NOS1: variants seen among roughly 807,000 people sequenced by gnomAD.
NOS1 encodes nitric oxide synthase 1, also known as NOS type I.
NOS1 carries 51 observed loss-of-function variants against 164.5 expected under a neutral mutation model. The ratio of observed to expected loss-of-function variants is 0.31; its 90% CI spans 0.25 to 0.39. The LOEUF is 0.39. Ranked by LOEUF, NOS1 falls within the 10% of genes least tolerant of loss-of-function variation. The probability of loss-of-function intolerance (pLI) is 1.00; values close to 1 mark genes in which losing one functional copy is unlikely to be tolerated. For missense variants in NOS1, 1,362 were observed against 1,885.6 expected, an observed-to-expected ratio of 0.72 and a Z score of 5.14; for synonymous variants, 719 against 745.8, an observed-to-expected ratio of 0.96 and a Z score of 0.59.
chr12:117,360,146 G>T (rs1450893696), intron 1 of NOS1, among the ~76,000 whole-genome samples: 4 of 151,654 alleles, frequency 2.6e-5, no homozygotes, highest in African/African-American at 9.7e-5. Context: ...TCACTGGAAA[G>T]GTTCCTGCCC....
intron 2 of NOS1, among the ~76,000 whole-genome samples, chr12:117,329,335 C>T (rs998649313): frequency 5.9e-5 from 9 of 152,084 alleles, no homozygotes; most frequent in Admixed American, 2.6e-4. Context: ...CCCAGGCCCC[C>T]AGATTGTGGG....
chr12:117,337,730 A>G (rs1246922406), intron 1 of NOS1, among the ~76,000 whole-genome samples: 1 of 152,128 alleles, frequency 6.6e-6, no homozygotes, highest in African/African-American at 2.4e-5. Flanking sequence ...AACCATATGA[A>G]TAGAGAGGTC....
chr12:117,230,199 C>A (rs1249768716), intron 22 of NOS1, among the ~76,000 whole-genome samples: 4 of 152,230 alleles, frequency 2.6e-5, no homozygotes, highest in Non-Finnish European at 5.9e-5. Flanking sequence ...CAGGCATGAG[C>A]CACTGTGCCC....
intron 2 of NOS1, among the ~76,000 whole-genome samples, chr12:117,314,633 G>A (rs1224741604): frequency 6.6e-6 from 1 of 152,146 alleles, no homozygotes; most frequent in Non-Finnish European, 1.5e-5. Flanking sequence ...TTGAAACAGA[G>A]TCTTGCTTTA....
chr12:117,280,930 A>C, intron 7 of NOS1, 64 bp from the exon 8 acceptor site: 1 of 1,559,784 alleles, frequency 6.4e-7, no homozygotes, highest in Non-Finnish European at 8.7e-7. Flanking sequence ...AACATACTAA[A>C]CATGGCGCCA....
At position 117,247,397 on chromosome 12, in the gene NOS1, A is replaced by T. The variant is rs749738314; in HGVS notation, c.2774T>A (p.Leu925His). The T allele has an allele frequency of 6.2e-7, 1 of 1,610,968 alleles. No homozygotes were observed. Among genetic ancestry groups the T allele is most frequent in the Non-Finnish European group, 8.5e-7 (1 of 1,178,770 alleles). The change falls in exon 18 of 29, where the codon CTC becomes CAC. Residue 925 changes from leucine to histidine, a missense_variant. By Grantham distance (99) the Leu-to-His change is moderately conservative. This residue lies in a region of NOS1 where 737 missense variants were observed against 1,030.3 expected (regional missense o/e 0.72). Coordinates refer to ENST00000317775, the MANE Select transcript of NOS1 (RefSeq NM_000620.5). Reference sequence around the variant, plus strand: ...CCTGAAAGCCTCTTCCTGCCCACAGAGCTCATCCCCTTCCCTCATCTTCAG... The same window carrying T: ...CCTGAAAGCCTCTTCCTGCCCACAGTGCTCATCCCCTTCCCTCATCTTCAG... ...RILKMREGDE[L>H]CGQEEAFRTW...
intron 1 of NOS1, among the ~76,000 whole-genome samples, chr12:117,357,102 G>A (rs1215163210): frequency 1.3e-5 from 2 of 152,048 alleles, no homozygotes; most frequent in African/African-American, 4.8e-5. Context: ...GCAGGCAGAT[G>A]GCTTGAGCCC....
intron 3 of NOS1, chr12:117,302,192 G>T (rs1419160994): frequency 7.2e-6 from 3 of 418,762 alleles, no homozygotes; most frequent in Non-Finnish European, 1.4e-5. Context: ...AGGTCCTGTT[G>T]TTATGGTTGA....
At position 117,220,203 on chromosome 12, in the gene NOS1, C is replaced by T. The variant is rs1370120249; in HGVS notation, c.4042G>A (p.Gly1348Arg). 1.2e-6 allele frequency: 2 copies of T among 1,613,782 alleles called. No individual in the cohort carries two copies. Among genetic ancestry groups the T allele is most frequent in the South Asian group, 2.2e-5 (2 of 91,084 alleles). ...TCCCCACAGACGTATATGTGGCCCC[C>T]TTGCTCCTTCAGGGCTCGGTACACA... ...ESVYRALKEQ[G>R]GHIYVCGDVT... Residue 1348 changes from glycine to arginine, a missense_variant, in exon 27 of 29, where the codon GGG (glycine) becomes AGG (arginine). Coordinates refer to ENST00000317775, the MANE Select transcript of NOS1 (RefSeq NM_000620.5).
chr12:117,345,720 C>T (rs1421750933), intron 1 of NOS1, among the ~76,000 whole-genome samples: 6 of 152,222 alleles, frequency 3.9e-5, no homozygotes, highest in African/African-American at 1.2e-4. Context: ...TAGGGCTGGG[C>T]TCAGTGGCTC....
rs570347653 is a variant in NOS1, at chr12:117,223,894, T to C, written c.3827-1031A>G. On this transcript the variant is annotated intron_variant, in intron 25 of 28. Coordinates refer to ENST00000317775, the MANE Select transcript of NOS1 (RefSeq NM_000620.5). ...GTCTCGAACTCCTGACCTCAAGTGATCCACCTGCCTCAGCCTTCCAAAGTG... is the reference window on the plus strand; with the variant it reads ...GTCTCGAACTCCTGACCTCAAGTGACCCACCTGCCTCAGCCTTCCAAAGTG... Among the ~76,000 whole-genome samples the C allele has an allele frequency of 5.3e-5, 8 of 152,300 alleles. No homozygotes were observed. The East Asian group carries it at 1.2e-3, about 22-fold the overall frequency.
chr12:117,223,006 C>T (rs1422370285), intron 25 of NOS1, 143 bp from the exon 26 acceptor site: 11 of 876,676 alleles, frequency 1.3e-5, no homozygotes, highest in East Asian at 7.6e-5. Flanking sequence ...CAGATGTATG[C>T]GTGCACACAC....
intron 1 of NOS1, among the ~76,000 whole-genome samples, chr12:117,332,201 C>T (rs1033838628): frequency 2.6e-5 from 4 of 152,132 alleles, no homozygotes; most frequent in Non-Finnish European, 5.9e-5. Flanking sequence ...CATTCGTTGA[C>T]TGAAGAAGGA....
chr12:117,277,815 G>T, intron 9 of NOS1, 144 bp downstream of exon 9: 1 of 952,668 alleles, frequency 1.0e-6, no homozygotes, highest in Non-Finnish European at 1.5e-6. Flanking sequence ...GCCCAAGCCC[G>T]CAGTGAGGAC....
At position 117,299,648 on chromosome 12, in the gene NOS1, AAG is replaced by A. The variant is rs1189896650; in HGVS notation, c.853-9224_853-9223del. ...AGACTTTGTCTCCAAAAAAAAAAAA[AAG>A]AAAAAAAGAAAGTTGACATTGCTTA... On this transcript the variant is annotated intron_variant, in intron 3 of 28. Transcript: ENST00000317775. Among the ~76,000 whole-genome samples the A allele has an allele frequency of 1.2e-4, 17 of 143,766 alleles. 2 individuals carry two copies. In the East Asian group the frequency reaches 2.4e-3, roughly 20 times the overall value. 94.3% of individuals were successfully genotyped at this position (143,766 alleles called of 152,430 possible).
At chr12:117,333,542 T>G (rs540839043) in intron 1 of NOS1, among the ~76,000 whole-genome samples, 4 of 152,080 alleles carry the variant, frequency 2.6e-5, no homozygotes, top group Middle Eastern at 3.4e-3. Context: ...GGGGGGTGTG[T>G]GGGGGGGATA....
chr12:117,341,483 G>A (rs537366416), intron 1 of NOS1, among the ~76,000 whole-genome samples: 19 of 152,274 alleles, frequency 1.2e-4, no homozygotes, highest in African/African-American at 4.3e-4. Context: ...TTTCAGCTTC[G>A]TTTTGCAGAG....
At chr12:117,217,443 A>T (rs917626707) in intron 28 of NOS1, among the ~76,000 whole-genome samples, 19 of 152,164 alleles carry the variant, frequency 1.2e-4, no homozygotes, top group African/African-American at 4.3e-4. Flanking sequence ...GGTGGCTCAC[A>T]CCTATAATTC....
intron 9 of NOS1, among the ~76,000 whole-genome samples, chr12:117,273,336 T>C (rs1872929685): frequency 6.6e-6 from 1 of 152,116 alleles, no homozygotes; most frequent in South Asian, 2.1e-4. Flanking sequence ...TGAATAAATA[T>C]AGGCTACATT....
Sources: allele counts gnomAD v4.1 joint callset (sites outside exome capture counted in the v4.1 genomes callset), GRCh38; gene constraint gnomAD v4.1.1; regional missense constraint gnomAD v4.1.1; transcripts MANE v1.5; gene names NCBI Gene and HGNC (gene_info 2026-07-23, HGNC 2026-07-21).